Variants in ARHGAP15 observed in about 807,000 individuals in gnomAD.
ARHGAP15 encodes the protein Rho GTPase activating protein 15, also known as rho GTPase-activating protein 15.
Under a neutral mutation model 63.7 loss-of-function variants are expected in ARHGAP15, and 51 were observed. The ratio of observed to expected loss-of-function variants is 0.80; its 90% CI spans 0.64 to 1.01. The LOEUF (loss-of-function observed/expected upper bound fraction) is 1.01, where lower values mean the gene tolerates loss of function less well. Ranked by LOEUF, ARHGAP15 falls within the 50% of genes least tolerant of loss-of-function variation. The pLI is 0.00. For synonymous variants in ARHGAP15, 191 were observed against 193.8 expected, an observed-to-expected ratio of 0.99 and a Z score of 0.12; for missense variants, 560 against 564.6, an observed-to-expected ratio of 0.99 and a Z score of 0.08.
chr2:143,468,650 G>A (rs922068910), intron 8 of ARHGAP15, among the ~76,000 whole-genome samples: 1 of 125,150 alleles, frequency 8.0e-6, no homozygotes, highest in Admixed American at 7.9e-5. Flanking sequence ...GAGAGAGAGA[G>A]AGAGAGAGAG....
chr2:143,216,574 C>G (rs953534375), intron 4 of ARHGAP15, 129 bp downstream of exon 4: 17 of 613,224 alleles, frequency 2.8e-5, no homozygotes, highest in Non-Finnish European at 4.9e-5. Context: ...TCTGCTACTG[C>G]TATGATCAAC....
At chr2:143,601,145 G>A (rs1452322855) in intron 11 of ARHGAP15, among the ~76,000 whole-genome samples, 1 of 152,056 alleles carries the variant, frequency 6.6e-6, no homozygotes, top group Non-Finnish European at 1.5e-5. Context: ...TGAGTTTGAA[G>A]GAAACCGAAC....
rs147187793 is a variant in ARHGAP15 at position 143,512,066 on chromosome 2, A to G, written c.827-7200A>G. Among the ~76,000 whole-genome samples, 841 of 152,360 alleles carry G rather than the reference A, an allele frequency of 5.5e-3. 9 individuals are homozygous for G. The highest frequency in any genetic ancestry group is 0.019 in the African/African-American group (793 of 41,596). ...ATGGAATTTACTAGCTACTTAATTG[A>G]AGAGTCCAAGGGACAGGGATAGCTT... On this transcript the variant is annotated intron_variant, in intron 9 of 13. Transcript: ENST00000295095.
intron 13 of ARHGAP15, among the ~76,000 whole-genome samples, chr2:143,718,801 G>C (rs1446593648): frequency 6.6e-6 from 1 of 152,182 alleles, no homozygotes. Context: ...AACAAATACA[G>C]GTTGAGTACT....
At chr2:143,507,401 G>T (rs1435396494) in intron 9 of ARHGAP15, among the ~76,000 whole-genome samples, 4 of 152,126 alleles carry the variant, frequency 2.6e-5, no homozygotes, top group Non-Finnish European at 5.9e-5. Context: ...ATTATTTACA[G>T]CTTCTTATTA....
At chr2:143,594,412 C>T (rs535855680) in intron 11 of ARHGAP15, among the ~76,000 whole-genome samples, 16 of 152,250 alleles carry the variant, frequency 1.1e-4, no homozygotes, top group East Asian at 3.9e-4. Flanking sequence ...CAGCTTTCTC[C>T]GCCAGCTGCT....
At chr2:143,738,639 A>C (rs1382494418) in intron 13 of ARHGAP15, among the ~76,000 whole-genome samples, 1 of 152,214 alleles carries the variant, frequency 6.6e-6, no homozygotes, top group African/African-American at 2.4e-5. Flanking sequence ...AAAGTTTAAT[A>C]ATTACTTTTG....
intron 2 of ARHGAP15, among the ~76,000 whole-genome samples, chr2:143,161,540 G>C (rs1690297592): frequency 6.6e-6 from 1 of 151,860 alleles, no homozygotes; most frequent in Non-Finnish European, 1.5e-5. Context: ...CTTCAGCTGA[G>C]TACTGCGTGC....
At chr2:143,306,267 A>G (rs4662320) in intron 6 of ARHGAP15, among the ~76,000 whole-genome samples, 19,799 of 152,120 alleles carry the variant, frequency 0.13, 1,646 homozygotes, top group Non-Finnish European at 0.17. Flanking sequence ...ACAGAGATCA[A>G]AGAAAACAGT....
intron 10 of ARHGAP15, 115 bp from the exon 11 acceptor site, chr2:143,556,293 A>T: frequency 1.4e-6 from 1 of 720,558 alleles, no homozygotes; most frequent in South Asian, 2.2e-5. Flanking sequence ...GAACACACAA[A>T]TTGGTTTTAT....
intron 11 of ARHGAP15, among the ~76,000 whole-genome samples, chr2:143,560,965 A>G (rs1695996028): frequency 6.6e-6 from 1 of 152,170 alleles, no homozygotes. Context: ...GGCATCCCCA[A>G]AGAAAACTGG....
chr2:143,167,247 A>G (rs1017830942), intron 2 of ARHGAP15, among the ~76,000 whole-genome samples: 2 of 152,130 alleles, frequency 1.3e-5, no homozygotes, highest in Non-Finnish European at 2.9e-5. Flanking sequence ...AACTTGCCAA[A>G]GCAGTTTTTA....
intron 12 of ARHGAP15, among the ~76,000 whole-genome samples, chr2:143,636,962 C>CACCT (rs2105264492): frequency 6.6e-6 from 1 of 152,238 alleles, no homozygotes; most frequent in African/African-American, 2.4e-5. Flanking sequence ...TGCAGATGGC[C>CACCT]ACCTTCTCAT....
At chr2:143,431,843 G>A (rs1014635694) in intron 6 of ARHGAP15, among the ~76,000 whole-genome samples, 3 of 151,964 alleles carry the variant, frequency 2.0e-5, no homozygotes, top group Non-Finnish European at 4.4e-5. Context: ...CTATTCTTCT[G>A]TACATGAAAT....
chr2:143,361,837 A>G (rs553129467), intron 6 of ARHGAP15, among the ~76,000 whole-genome samples: 1 of 152,300 alleles, frequency 6.6e-6, no homozygotes, highest in South Asian at 2.1e-4. Context: ...GATTATTCCA[A>G]AATGCAAACA....
intron 10 of ARHGAP15, among the ~76,000 whole-genome samples, chr2:143,527,085 AT>A (rs1342507326): frequency 1.3e-5 from 2 of 152,154 alleles, no homozygotes; most frequent in Admixed American, 1.3e-4. Flanking sequence ...TTCCTAAAGC[AT>A]GATGTTCTTT....
intron 6 of ARHGAP15, among the ~76,000 whole-genome samples, chr2:143,341,330 T>A (rs971814421): frequency 6.6e-6 from 1 of 152,132 alleles, no homozygotes. Flanking sequence ...TTTCACATTA[T>A]CCACTGCTGT....
At chr2:143,508,798 T>C (rs1259791383) in intron 9 of ARHGAP15, among the ~76,000 whole-genome samples, 1 of 152,220 alleles carries the variant, frequency 6.6e-6, no homozygotes, top group Non-Finnish European at 1.5e-5. Context: ...ATCACCAAAA[T>C]GCCTACTGCA....
In ARHGAP15 at chr2:143,339,727, A is replaced by G. The variant is rs896018442; in HGVS notation, c.474+89127A>G. Among the ~76,000 whole-genome samples, 10 of 152,176 alleles carry G rather than the reference A, an allele frequency of 6.6e-5. No homozygotes were observed. The East Asian group carries it at 1.5e-3, about 23-fold the overall frequency. ...ACGGTGCCTATGGTTTTGTCTACTG[A>G]CAATCTATGACTAAGATTCTCAAGT... is the stretch of plus-strand genomic sequence containing the variant. On this transcript the variant is annotated intron_variant, in intron 6 of 13. Coordinates refer to ENST00000295095, the MANE Select transcript of ARHGAP15 (RefSeq NM_018460.4).
Sources: allele counts gnomAD v4.1 joint callset (sites outside exome capture counted in the v4.1 genomes callset), GRCh38; gene constraint gnomAD v4.1.1; transcripts MANE v1.5; gene names NCBI Gene and HGNC (gene_info 2026-07-23, HGNC 2026-07-21).